HMCN1: variants seen among roughly 807,000 people sequenced by gnomAD.
HMCN1 encodes hemicentin 1.
In HMCN1, 321 loss-of-function variants were observed where a neutral mutation model predicts 625.9. The observed-to-expected ratio is 0.51, with a 90% confidence interval of 0.47 to 0.56. HMCN1 has a LOEUF of 0.56. HMCN1 is among the 20% of genes least tolerant of loss of function. The pLI, the probability that HMCN1 is intolerant of heterozygous loss-of-function variation, is 0.00. For missense variants in HMCN1, 6,588 were observed against 6,887.3 expected (o/e 0.96, Z 1.54); for synonymous variants, 2,425 against 2,417.6 (o/e 1.00, Z -0.09).
chr1:186,146,228 TA>T (rs761149914), intron 93 of HMCN1, among the ~76,000 whole-genome samples: 33 of 152,102 alleles, frequency 2.2e-4, no homozygotes, highest in Non-Finnish European at 4.1e-4. Flanking sequence ...GGGCAGTGGC[TA>T]AATATCTAAA....
intron 4 of HMCN1, among the ~76,000 whole-genome samples, chr1:185,884,261 G>C (rs955787888): frequency 2.0e-5 from 3 of 151,796 alleles, no homozygotes; most frequent in African/African-American, 7.2e-5. Context: ...TTTATCTCAT[G>C]TAATTTTTCC....
chr1:186,131,867 A>G (rs1223493933), intron 85 of HMCN1, among the ~76,000 whole-genome samples: 1 of 152,166 alleles, frequency 6.6e-6, no homozygotes, highest in African/African-American at 2.4e-5. Flanking sequence ...CTAAATTTCA[A>G]ACGCTCTAGA....
chr1:186,023,152 T>A lies in HMCN1; in HGVS notation c.5748T>A (p.His1916Gln), dbSNP rs753795619. 1.2e-6 allele frequency: 2 copies of A among 1,612,702 alleles called. No homozygotes were observed. The highest frequency in any genetic ancestry group is 1.7e-5 in the Admixed American group (1 of 59,942). Residue 1916 changes from histidine (H) to glutamine (Q), a missense_variant and splice_region_variant, in exon 36 of 107, where the codon CAT becomes CAA. His to Gln is a conservative substitution (Grantham distance 24). Around this residue, in one of 3 missense-constraint regions of HMCN1, gnomAD observed 4,628 missense variants for 4,853.1 expected, o/e 0.95. Transcript: ENST00000271588. The part of the protein sequence containing the change: ...ETQQHIQLHV[H>Q]EPPSLEDAGK... ...AACAGCACATTCAACTGCATGTTCA[T>A]GGTAATGTAATTTCTACACCTTAAC...
At chr1:186,028,235 T>A (rs1571740263) in intron 36 of HMCN1, among the ~76,000 whole-genome samples, 1 of 152,164 alleles carries the variant, frequency 6.6e-6, no homozygotes, top group South Asian at 2.1e-4. Context: ...GATATGTACA[T>A]GCAGCTTTTG....
At chr1:186,034,372 T>C (rs771998912) in intron 36 of HMCN1, among the ~76,000 whole-genome samples, 4 of 152,202 alleles carry the variant, frequency 2.6e-5, no homozygotes, top group African/African-American at 4.8e-5. Flanking sequence ...CTACCAAGTT[T>C]GAGGTAATTT....
intron 102 of HMCN1, among the ~76,000 whole-genome samples, chr1:186,173,888 T>A (rs1271285180): frequency 2.0e-5 from 3 of 152,216 alleles, no homozygotes; most frequent in Non-Finnish European, 2.9e-5. Context: ...TCTTGGCAAC[T>A]GAGAGAATAA....
intron 1 of HMCN1, among the ~76,000 whole-genome samples, chr1:185,738,244 C>A (rs980599684): frequency 2.6e-5 from 4 of 152,176 alleles, no homozygotes; most frequent in African/African-American, 9.7e-5. Flanking sequence ...TTGCCACAGT[C>A]CATTGTAGAA....
At chr1:185,910,761 G>T (rs572151445) in intron 5 of HMCN1, among the ~76,000 whole-genome samples, 3 of 151,804 alleles carry the variant, frequency 2.0e-5, no homozygotes, top group Admixed American at 2.0e-4. Flanking sequence ...AGTAGAGACA[G>T]GGTTTCACCA....
At chr1:185,901,335 T>G (rs990042719) in intron 4 of HMCN1, among the ~76,000 whole-genome samples, 39 of 151,928 alleles carry the variant, frequency 2.6e-4, no homozygotes, top group African/African-American at 9.2e-4. Flanking sequence ...TATTTCCTTC[T>G]TTTTTCTTTC....
At chr1:185,933,869 T>A in intron 11 of HMCN1, 45 bp downstream of exon 11, 1 of 1,588,840 alleles carries the variant, frequency 6.3e-7, no homozygotes, top group Non-Finnish European at 8.6e-7. Flanking sequence ...CTTTCTGTCC[T>A]CTATTTTTAA....
At chr1:186,188,416 G>A (rs1054096483) in intron 106 of HMCN1, among the ~76,000 whole-genome samples, 1 of 152,164 alleles carries the variant, frequency 6.6e-6, no homozygotes, top group Non-Finnish European at 1.5e-5. Flanking sequence ...TTGCTTCACT[G>A]ACTCACCGCT....
At chr1:185,766,426 A>G (rs1477388524) in intron 1 of HMCN1, among the ~76,000 whole-genome samples, 1 of 152,154 alleles carries the variant, frequency 6.6e-6, no homozygotes, top group Non-Finnish European at 1.5e-5. Flanking sequence ...CTCCCTGAAT[A>G]AAGCTGAGAT....
intron 1 of HMCN1, among the ~76,000 whole-genome samples, chr1:185,843,229 T>A (rs978150269): frequency 1.3e-5 from 2 of 152,230 alleles, no homozygotes; most frequent in Admixed American, 6.5e-5. Flanking sequence ...ATAACAATGT[T>A]ATCAGGACGA....
chr1:185,867,249 A>C (rs1663314315), intron 4 of HMCN1, among the ~76,000 whole-genome samples: 1 of 152,188 alleles, frequency 6.6e-6, no homozygotes, highest in South Asian at 2.1e-4. Context: ...AGTGACTCAG[A>C]AATTCCTGGG....
Position 186,076,553 on chromosome 1 carries a change from C to T in HMCN1, c.8416C>T (p.Pro2806Ser). ...SLYCETNAAP[P>S]PTLTWYKDGH... ...TTACTGTGAGACAAATGCTGCTCCC[C>T]CTCCTACACTGACATGGTACAAAGA... The change falls in exon 54 of 107, where the codon CCT becomes TCT. Residue 2806 changes from proline to serine, a missense_variant. By Grantham distance (74) the Pro-to-Ser change is moderately conservative. Coordinates refer to ENST00000271588, the MANE Select transcript of HMCN1 (RefSeq NM_031935.3). 6.2e-7 allele frequency: 1 copy of T among 1,613,766 alleles called. No homozygotes were observed. The highest frequency in any genetic ancestry group is 8.5e-7 in the Non-Finnish European group (1 of 1,179,796).
intron 44 of HMCN1, among the ~76,000 whole-genome samples, chr1:186,054,459 G>A (rs1367470414): frequency 1.3e-5 from 2 of 151,960 alleles, no homozygotes; most frequent in African/African-American, 4.8e-5. Context: ...GCTCCAAGAG[G>A]TTTTGTTGGT....
chr1:185,827,461 A>G (rs1660596027), intron 1 of HMCN1, among the ~76,000 whole-genome samples: 1 of 152,142 alleles, frequency 6.6e-6, no homozygotes, highest in African/African-American at 2.4e-5. Flanking sequence ...AAATAAAACC[A>G]CTACAGAAAT....
chr1:186,063,066 G>GAATATATATATA, intron 48 of HMCN1, among the ~76,000 whole-genome samples: 1 of 29,944 alleles, frequency 3.3e-5, no homozygotes, highest in East Asian at 1.1e-3. Flanking sequence ...GTGTGTGTGT[G>GAATATATATATA]CATATATATA....
intron 15 of HMCN1, among the ~76,000 whole-genome samples, chr1:185,977,059 C>T (rs1046850946): frequency 3.9e-5 from 6 of 152,012 alleles, no homozygotes; most frequent in Non-Finnish European, 7.4e-5. Context: ...ATGTCTTCCT[C>T]CCTGATCTCT....
Sources: allele counts gnomAD v4.1 joint callset (sites outside exome capture counted in the v4.1 genomes callset), GRCh38; gene constraint gnomAD v4.1.1; regional missense constraint gnomAD v4.1.1; transcripts MANE v1.5; gene names NCBI Gene and HGNC (gene_info 2026-07-23, HGNC 2026-07-21).